Variants in TXNRD1 observed in about 807,000 individuals in gnomAD.
The protein encoded by TXNRD1 is thioredoxin reductase 1, cytoplasmic.
Under a neutral mutation model 80.3 loss-of-function variants are expected in TXNRD1, and 57 were observed. The observed-to-expected ratio is 0.71, with a 90% CI of 0.57 to 0.89. The LOEUF is 0.89. TXNRD1 is among the 40% of genes least tolerant of loss of function. The pLI, the probability that TXNRD1 is intolerant of heterozygous loss-of-function variation, is 0.00. For missense variants in TXNRD1, 730 were observed against 803.0 expected (o/e 0.91, Z 1.10); for synonymous variants, 291 against 285.2 (o/e 1.02, Z -0.20).
Position 104,319,662 on chromosome 12 carries a change from G to A in TXNRD1, c.989+77G>A, listed in dbSNP as rs189403682. Reference sequence around the variant, plus strand: ...TCGCATTTTTCTTCAAACCCACTGCGTCAATTTCTTGGGCTTCAGACAGAT... The same window carrying A: ...TCGCATTTTTCTTCAAACCCACTGCATCAATTTCTTGGGCTTCAGACAGAT... On this transcript the variant is annotated intron_variant, in intron 9 of 16. Coordinates refer to ENST00000525566, the MANE Select transcript of TXNRD1 (RefSeq NM_001093771.3). The A allele has an allele frequency of 2.4e-3, 2,597 of 1,083,162 alleles. 7 individuals are homozygous for A. The highest frequency in any genetic ancestry group is 3.0e-3 in the Non-Finnish European group (2,192 of 734,082). 67.1% of individuals were successfully genotyped at this position (1,083,162 alleles called of 1,614,324 possible).
rs145008727 is a variant in TXNRD1, at chr12:104,299,573, C to G, written c.414+10533C>G. On this transcript the variant is annotated intron_variant, in intron 4 of 16. Coordinates refer to ENST00000525566, the MANE Select transcript of TXNRD1 (RefSeq NM_001093771.3). ...CACGAGGTCAGGAGTTCGAGACCAG[C>G]CTGGTCAACATGCTGAAACCCTGTC... Among the ~76,000 whole-genome samples, 1,003 of 151,930 alleles carry G rather than the reference C, an allele frequency of 6.6e-3. 13 individuals are homozygous for G. The highest frequency in any genetic ancestry group is 0.023 in the African/African-American group (943 of 41,428).
intron 4 of TXNRD1, chr12:104,303,857 G>A (rs2034753942): frequency 1.4e-6 from 2 of 1,453,654 alleles, no homozygotes; most frequent in South Asian, 2.9e-5. Context: ...GGGAGACGAA[G>A]AGAAAGGAGA....
intron 4 of TXNRD1, among the ~76,000 whole-genome samples, chr12:104,303,359 C>T (rs1179420572): frequency 6.6e-6 from 1 of 152,240 alleles, no homozygotes; most frequent in Non-Finnish European, 1.5e-5. Context: ...GGTCCTTGGC[C>T]TTACCGACGG....
rs1443751623 is a variant in TXNRD1 at position 104,325,426 on chromosome 12, T to C, written c.1305T>C (p.Asn435=). 6.2e-7 allele frequency: 1 copy of C among 1,607,376 alleles called. No individual in the cohort carries two copies. Among genetic ancestry groups the C allele is most frequent in the Non-Finnish European group, 8.5e-7 (1 of 1,174,832 alleles). Residue 435 remains asparagine, a synonymous_variant, in exon 11 of 17, where the codon AAT becomes AAC. Coordinates refer to ENST00000525566, the MANE Select transcript of TXNRD1 (RefSeq NM_001093771.3). ...NSEEIIEGEY[N]TVMLAIGRDA... ...AGGAAATCATTGAAGGAGAATATAATACGGTAAGGAATGGGCCCAGGTTAA... is the reference window on the plus strand; with the variant it reads ...AGGAAATCATTGAAGGAGAATATAACACGGTAAGGAATGGGCCCAGGTTAA...
intron 4 of TXNRD1, chr12:104,303,859 G>C: frequency 2.1e-6 from 3 of 1,457,678 alleles, no homozygotes; most frequent in African/African-American, 1.4e-5. Context: ...GAGACGAAGA[G>C]AAAGGAGAGG....
Position 104,251,581 on chromosome 12 carries a change from GCACGGC to G in TXNRD1, c.150_155del (p.Thr52_Ala53del). 1 of 1,613,890 alleles carries G rather than the reference GCACGGC, an allele frequency of 6.2e-7. No homozygotes were observed. Among genetic ancestry groups the G allele is most frequent in the Non-Finnish European group, 8.5e-7 (1 of 1,179,830 alleles). On this transcript the variant is annotated inframe_deletion, in exon 2 of 17. Transcript: ENST00000525566. Reference sequence around the variant, plus strand: ...CCAGAGAACCCAGCAGGATTCACCAGCACGGCCACTGCAGACTCCAGAGCCCTGCTT... The same window carrying G: ...CCAGAGAACCCAGCAGGATTCACCAGCACTGCAGACTCCAGAGCCCTGCTT...
intron 15 of TXNRD1, among the ~76,000 whole-genome samples, chr12:104,335,968 C>T (rs1469217067): frequency 1.3e-5 from 2 of 152,164 alleles, no homozygotes; most frequent in African/African-American, 4.8e-5. Flanking sequence ...TAATGAGCTA[C>T]ACAGCTAACA....
intron 1 of TXNRD1, among the ~76,000 whole-genome samples, chr12:104,225,484 G>A (rs1012031705): frequency 6.6e-6 from 1 of 152,176 alleles, no homozygotes; most frequent in African/African-American, 2.4e-5. Context: ...ATCCGCATGT[G>A]TCAAGGGCAG....
chr12:104,216,007 T>TC, intron 1 of TXNRD1, 114 bp downstream of exon 1: 10 of 861,520 alleles, frequency 1.2e-5, no homozygotes, highest in Non-Finnish European at 1.8e-5. Context: ...CTCACTGGAG[T>TC]CAGTGACTGA....
rs574752123 is a variant in TXNRD1, at chr12:104,327,530, T to C, written c.1401T>C (p.Pro467=). ...VKINEKTGKI[P]VTDEEQTNVP... is the part of the protein sequence containing the mutation. The stretch of plus-strand genomic sequence containing the variant: ...AAAATTGCAGGACTGGAAAAATACC[T>C]GTCACAGATGAAGAACAGACCAATG... Residue 467 remains proline (P), a synonymous_variant, in exon 13 of 17, where the codon CCT becomes CCC. Transcript: ENST00000525566. The C allele has an allele frequency of 8.4e-5, 135 of 1,612,518 alleles. 2 individuals carry two copies. In the South Asian group the frequency reaches 1.4e-3, roughly 16 times the overall value.
In TXNRD1 at chr12:104,307,025, T is replaced by G. The variant is rs183088874; in HGVS notation, c.415-4265T>G. On this transcript the variant is annotated intron_variant, in intron 4 of 16. Coordinates refer to ENST00000525566, the MANE Select transcript of TXNRD1 (RefSeq NM_001093771.3). ...CTTAGGAGAGGTAATTTTTTTGGTC[T>G]TCTCTAAAGTTAATAGCTGTTAAAA... Among the ~76,000 whole-genome samples, 234 of 152,336 alleles carry G rather than the reference T, an allele frequency of 1.5e-3. 1 individual carries two copies. The highest frequency in any genetic ancestry group is 3.9e-3 in the Admixed American group (59 of 15,294).
chr12:104,283,243 T>TTTTTTG lies in TXNRD1; in HGVS notation c.305-5670_305-5665dup, dbSNP rs548632931. On this transcript the variant is annotated intron_variant, in intron 3 of 16. Coordinates refer to ENST00000525566, the MANE Select transcript of TXNRD1 (RefSeq NM_001093771.3). Reference sequence around the variant, plus strand: ...TTCCTTCTCTTCTCTTCACACTGTCTTTTTTGTTTTTGTTTTTGTTTTTTT... The same window carrying TTTTTTG: ...TTCCTTCTCTTCTCTTCACACTGTCTTTTTTGTTTTTGTTTTTGTTTTTGTTTTTTT... 3.4e-4 allele frequency among the ~76,000 whole-genome samples: 52 copies of TTTTTTG among 152,226 alleles called. No homozygotes were observed. In the East Asian group the frequency reaches 7.6e-3, roughly 22 times the overall value.
At chr12:104,257,726 T>C (rs968978564) in intron 2 of TXNRD1, among the ~76,000 whole-genome samples, 8 of 152,108 alleles carry the variant, frequency 5.3e-5, no homozygotes, top group Non-Finnish European at 1.2e-4. Flanking sequence ...TTAAACATAG[T>C]ATTAAACCCA....
At chr12:104,258,129 T>C in intron 3 of TXNRD1, 50 bp downstream of exon 3, 1 of 1,308,358 alleles carries the variant, frequency 7.6e-7, no homozygotes, top group African/African-American at 1.5e-5. Flanking sequence ...GTACATTTTA[T>C]CTCATTTATT....
Position 104,334,286 on chromosome 12 carries a change from A to T in TXNRD1, c.1700A>T (p.Asp567Val). Reference protein sequence around the residue: ...WPLEWTIPSRDNNKCYAKIIC... With the variant: ...WPLEWTIPSRVNNKCYAKIIC... The stretch of plus-strand genomic sequence containing the variant: ...TTGGAATGGACGATTCCGTCAAGAG[A>T]TAACAACAAATGTTATGCAAAAATA... Residue 567 changes from aspartate to valine, a missense_variant, in exon 15 of 17, where the codon GAT becomes GTT. Asp to Val is a radical substitution (Grantham distance 152). Coordinates refer to ENST00000525566, the MANE Select transcript of TXNRD1 (RefSeq NM_001093771.3). 6.5e-7 allele frequency: 1 copy of T among 1,539,562 alleles called. No homozygotes were observed. Among genetic ancestry groups the T allele is most frequent in the Non-Finnish European group, 8.8e-7 (1 of 1,139,992 alleles).
chr12:104,267,695 TTCTTTCTCTC>T (rs1565870240), intron 3 of TXNRD1, among the ~76,000 whole-genome samples: 17 of 34,586 alleles, frequency 4.9e-4, no homozygotes, highest in African/African-American at 8.3e-4. Context: ...CTTTCTTTCT[TTCTTTCTCTC>T]TTTCTTTCTT....
intron 3 of TXNRD1, among the ~76,000 whole-genome samples, chr12:104,273,978 G>T (rs529206138): frequency 6.6e-6 from 1 of 152,178 alleles, no homozygotes; most frequent in Admixed American, 6.5e-5. Context: ...TGAGTTCTCC[G>T]GGAGGTGGAG....
chr12:104,283,316 A>G (rs2135736911), intron 3 of TXNRD1, among the ~76,000 whole-genome samples: 1 of 151,984 alleles, frequency 6.6e-6, no homozygotes, highest in South Asian at 2.1e-4. Context: ...CAATGGCATG[A>G]TCTCGGCTCA....
chr12:104,323,814 C>CT (rs1368563121), intron 10 of TXNRD1, among the ~76,000 whole-genome samples: 9 of 141,914 alleles, frequency 6.3e-5, no homozygotes, highest in African/African-American at 1.5e-4. Flanking sequence ...GGGCTGACCC[C>CT]CCCCCACCTC....
Sources: allele counts gnomAD v4.1 joint callset (sites outside exome capture counted in the v4.1 genomes callset), GRCh38; gene constraint gnomAD v4.1.1; transcripts MANE v1.5; gene names NCBI Gene and HGNC (gene_info 2026-07-23, HGNC 2026-07-21).